Variants in ADGRV1 observed in about 807,000 individuals in gnomAD.
ADGRV1 encodes the protein adhesion G protein-coupled receptor V1, also known as G-protein coupled receptor 98.
A neutral mutation model predicts 596.2 loss-of-function variants in ADGRV1; 359 were observed. The observed-to-expected ratio is 0.60, with a 90% CI of 0.55 to 0.66. The LOEUF (loss-of-function observed/expected upper bound fraction) is 0.66. Ranked by LOEUF, ADGRV1 falls within the 30% of genes least tolerant of loss-of-function variation. The probability of loss-of-function intolerance (pLI) is 0.00; values close to 1 mark genes in which losing one functional copy is unlikely to be tolerated. For synonymous variants in ADGRV1, 2,681 were observed against 2,679.2 expected, an observed-to-expected ratio of 1.00 and a Z score of -0.02; for missense variants, 7,274 against 7,575.6, an observed-to-expected ratio of 0.96 and a Z score of 1.48.
At chr5:91,115,361 A>G (rs1194328567) in intron 87 of ADGRV1, among the ~76,000 whole-genome samples, 3 of 152,218 alleles carry the variant, frequency 2.0e-5, no homozygotes, top group African/African-American at 7.2e-5. Flanking sequence ...ATAAATGAAG[A>G]TACTTAGAGG....
rs1463924448 is a variant in ADGRV1, at chr5:90,974,358, T to C, written c.17973+8827T>C. On this transcript the variant is annotated intron_variant, in intron 84 of 89. Transcript: ENST00000405460. Reference sequence around the variant, plus strand: ...GAATTGGAAAAAACTACTTTAAAGTTCATATGGAACCACGAAAGAGCCTGC... The same window carrying C: ...GAATTGGAAAAAACTACTTTAAAGTCCATATGGAACCACGAAAGAGCCTGC... Among the ~76,000 whole-genome samples the C allele has an allele frequency of 2.0e-5, 3 of 152,300 alleles. No individual in the cohort carries two copies. The East Asian group carries it at 5.8e-4, about 29-fold the overall frequency.
chr5:90,998,478 G>C (rs569325130), intron 85 of ADGRV1, among the ~76,000 whole-genome samples: 4 of 152,178 alleles, frequency 2.6e-5, no homozygotes, highest in Admixed American at 2.0e-4. Flanking sequence ...GTGTCAGTAT[G>C]TAATACCCAT....
At chr5:90,732,527 T>G (rs1752683118) in intron 50 of ADGRV1, among the ~76,000 whole-genome samples, 1 of 152,234 alleles carries the variant, frequency 6.6e-6, no homozygotes, top group Non-Finnish European at 1.5e-5. Flanking sequence ...TTGTTAACTA[T>G]AGTTATTATG....
At chr5:91,094,461 TAA>T (rs533784886) in intron 86 of ADGRV1, among the ~76,000 whole-genome samples, 47 of 129,002 alleles carry the variant, frequency 3.6e-4, no homozygotes, top group Non-Finnish European at 3.5e-4. Flanking sequence ...TCCTTCTATG[TAA>T]AAAAAAAAAA....
chr5:90,633,098 G>C (rs554097732), intron 9 of ADGRV1, among the ~76,000 whole-genome samples: 5 of 152,078 alleles, frequency 3.3e-5, no homozygotes, highest in Admixed American at 6.6e-5. Context: ...GCAAGCATGG[G>C]GTTACTAATG....
At chr5:90,908,070 C>T (rs547619088) in intron 83 of ADGRV1, among the ~76,000 whole-genome samples, 5 of 152,184 alleles carry the variant, frequency 3.3e-5, no homozygotes, top group Admixed American at 2.0e-4. Flanking sequence ...TGGCTGGTCT[C>T]GAACTCCCGA....
chr5:90,653,977 A>G, intron 20 of ADGRV1, 25 bp downstream of exon 20: 1 of 1,551,084 alleles, frequency 6.4e-7, no homozygotes, highest in Non-Finnish European at 8.7e-7. Context: ...CACAACTAGG[A>G]CACTGAAATT....
At chr5:91,004,483 C>T (rs960620522) in intron 85 of ADGRV1, among the ~76,000 whole-genome samples, 13 of 151,088 alleles carry the variant, frequency 8.6e-5, no homozygotes, top group South Asian at 8.4e-4. Flanking sequence ...TTTTGGGGAA[C>T]GCTTAGGGAA....
At chr5:90,828,916 G>T (rs529243877) in intron 76 of ADGRV1, 28 bp from the exon 77 acceptor site, 14 of 1,440,862 alleles carry the variant, frequency 9.7e-6, no homozygotes, top group African/African-American at 7.1e-5. Flanking sequence ...AGTAATAGTT[G>T]TTTTTTTTTC....
intron 89 of ADGRV1, among the ~76,000 whole-genome samples, chr5:91,158,001 G>A (rs988160225): frequency 1.3e-5 from 2 of 152,166 alleles, no homozygotes; most frequent in Admixed American, 6.5e-5. Context: ...GACCACTGAC[G>A]TTAGCCAAAT....
chr5:90,757,799 T>A (rs1370971665), intron 57 of ADGRV1, among the ~76,000 whole-genome samples: 2 of 152,236 alleles, frequency 1.3e-5, no homozygotes, highest in Admixed American at 1.3e-4. Context: ...TTTTTATCAG[T>A]AAGTGGAAAA....
intron 86 of ADGRV1, among the ~76,000 whole-genome samples, chr5:91,086,510 T>C (rs1307079244): frequency 6.6e-6 from 1 of 152,198 alleles, no homozygotes; most frequent in East Asian, 1.9e-4. Context: ...GCTGTCAAAC[T>C]AACTGATCAT....
At chr5:90,970,437 C>G (rs1247186352) in intron 84 of ADGRV1, among the ~76,000 whole-genome samples, 2 of 152,156 alleles carry the variant, frequency 1.3e-5, no homozygotes, top group Admixed American at 1.3e-4. Context: ...TCAAGTGGGT[C>G]TCTGACCCCC....
At chr5:90,686,165 G>C (rs57363721) in intron 29 of ADGRV1, among the ~76,000 whole-genome samples, 170 bp downstream of exon 29, 16 of 150,126 alleles carry the variant, frequency 1.1e-4, no homozygotes, top group East Asian at 3.9e-4. Flanking sequence ...TTTTTTTTGG[G>C]GGGGGGGATG....
chr5:90,585,956 G>A (rs574966305), intron 1 of ADGRV1, among the ~76,000 whole-genome samples: 1 of 152,324 alleles, frequency 6.6e-6, no homozygotes, highest in South Asian at 2.1e-4. Flanking sequence ...GAGTGAGGAA[G>A]AAAAGTATCG....
At position 90,617,832 on chromosome 5, in the gene ADGRV1, T is replaced by C; in HGVS notation, c.236T>C (p.Phe79Ser). ...SLYGEDAGDF[F>S]DTYAAAFIPA... ...TATGGAGAGGACGCTGGTGACTTTT[T>C]TGACACATATGCTGCAGCTTTTATA... The change falls in exon 3 of 90, where the codon TTT (phenylalanine) becomes TCT (serine). Residue 79 changes from phenylalanine to serine, a missense_variant. Physicochemically the swap from Phe to Ser is radical, Grantham distance 155 (BLOSUM62 -2). Transcript: ENST00000405460. 1 of 1,599,006 alleles carries C rather than the reference T, an allele frequency of 6.3e-7. No individual in the cohort carries two copies. The highest frequency in any genetic ancestry group is 2.2e-5 in the East Asian group (1 of 44,642).
intron 1 of ADGRV1, among the ~76,000 whole-genome samples, chr5:90,596,830 G>C (rs1192260497): frequency 6.6e-6 from 1 of 151,912 alleles, no homozygotes; most frequent in South Asian, 2.1e-4. Flanking sequence ...CGAGGGAGAG[G>C]GCGAGGGAGA....
rs548627759 is a variant in ADGRV1, at chr5:91,071,907, T to A, written c.18153-540T>A. On this transcript the variant is annotated intron_variant, in intron 85 of 89. Coordinates refer to ENST00000405460, the MANE Select transcript of ADGRV1 (RefSeq NM_032119.4). Reference sequence around the variant, plus strand: ...GGCCAGGCTAGTCTCGAACTCCTGATCTCAGGGGATCTGCCTGCCTCGGCC... The same window carrying A: ...GGCCAGGCTAGTCTCGAACTCCTGAACTCAGGGGATCTGCCTGCCTCGGCC... 9.9e-5 allele frequency among the ~76,000 whole-genome samples: 15 copies of A among 152,078 alleles called. No individual in the cohort carries two copies. In the South Asian group the frequency reaches 3.1e-3, roughly 32 times the overall value.
intron 17 of ADGRV1, among the ~76,000 whole-genome samples, chr5:90,650,871 T>A (rs576403762): frequency 3.1e-4 from 47 of 152,318 alleles, no homozygotes; most frequent in African/African-American, 1.1e-3. Context: ...TTGCTTGAGC[T>A]GGGTTCTCAG....
Sources: allele counts gnomAD v4.1 joint callset (sites outside exome capture counted in the v4.1 genomes callset), GRCh38; gene constraint gnomAD v4.1.1; transcripts MANE v1.5; gene names NCBI Gene and HGNC (gene_info 2026-07-23, HGNC 2026-07-21).